NAV3: variants seen among roughly 807,000 people sequenced by gnomAD.
The protein encoded by NAV3 is pore membrane and/or filament interacting like protein 1.
NAV3 carries 87 observed loss-of-function variants against 244.7 expected under a neutral mutation model. The ratio of observed to expected loss-of-function variants is 0.36; its 90% CI spans 0.30 to 0.42. The LOEUF is 0.42. Ranked by LOEUF, NAV3 falls within the 20% of genes least tolerant of loss-of-function variation. The pLI is 1.00. For synonymous variants in NAV3, 1,126 were observed against 1,042.2 expected (o/e 1.08, Z -1.55); for missense variants, 2,663 against 2,893.3 (o/e 0.92, Z 1.83).
At chr12:78,013,241 G>A (rs568069687) in intron 8 of NAV3, among the ~76,000 whole-genome samples, 11 of 152,102 alleles carry the variant, frequency 7.2e-5, no homozygotes, top group Admixed American at 3.3e-4. Flanking sequence ...GTCCTATGTC[G>A]TTTTCTTTTC....
In NAV3 at chr12:78,081,017, T is replaced by C. The variant is rs148877658; in HGVS notation, c.2636+21902T>C. Among the ~76,000 whole-genome samples the C allele has an allele frequency of 3.1e-3, 472 of 152,310 alleles. 4 individuals carry two copies. The highest frequency in any genetic ancestry group is 0.011 in the African/African-American group (457 of 41,550). On this transcript the variant is annotated intron_variant, in intron 12 of 39. Coordinates refer to ENST00000397909, the MANE Select transcript of NAV3 (RefSeq NM_001024383.2). ...CGTATCCATTTGACAAGCTAGCAGG[T>C]ATGAACAGGAAAGGCATAAGACAGG...
intron 1 of NAV3, among the ~76,000 whole-genome samples, chr12:77,854,863 A>C (rs1004006876): frequency 2.0e-5 from 3 of 152,196 alleles, no homozygotes; most frequent in African/African-American, 7.2e-5. Context: ...CACGCCTGTA[A>C]TCCCAGCACT....
rs145776203 is a variant in NAV3, at chr12:77,790,001, A to T, written c.73-150318A>T. Among the ~76,000 whole-genome samples, 738 of 152,198 alleles carry T rather than the reference A, an allele frequency of 4.8e-3. 10 individuals are homozygous for T. The highest frequency in any genetic ancestry group is 0.016 in the African/African-American group (679 of 41,526). Reference sequence around the variant, plus strand: ...ATATATTTTCCTCATCTACCTAGTGACTACCTGGTGAGCACCCAGTAACCT... The same window carrying T: ...ATATATTTTCCTCATCTACCTAGTGTCTACCTGGTGAGCACCCAGTAACCT... On this transcript the variant is annotated intron_variant, in intron 2 of 8. Coordinates refer to the NAV3 transcript ENST00000550042.
intron 35 of NAV3, among the ~76,000 whole-genome samples, chr12:78,197,987 AT>A (rs1306024207): frequency 2.0e-5 from 3 of 151,870 alleles, no homozygotes; most frequent in African/African-American, 7.2e-5. Context: ...AATGAGTATG[AT>A]TTTTAACTAT....
rs1003289925 is a variant in NAV3, at chr12:77,692,855, A to G, written c.72+120589A>G. 9.2e-5 allele frequency among the ~76,000 whole-genome samples: 14 copies of G among 152,216 alleles called. 1 individual carries two copies. The highest frequency in any genetic ancestry group is 3.4e-4 in the African/African-American group (14 of 41,464). ...AAGAAGCCCAGAAATTATAACTACA[A>G]TAAAGCTGTGGAATAGAATAATATA... On this transcript the variant is annotated intron_variant, in intron 2 of 8. Transcript: ENST00000550042.
At chr12:77,845,650 A>ATTT (rs1876493295) in intron 1 of NAV3, among the ~76,000 whole-genome samples, 1 of 143,740 alleles carries the variant, frequency 7.0e-6, no homozygotes, top group African/African-American at 2.6e-5. Flanking sequence ...TTAGGCTAAT[A>ATTT]CTTTTTTTTT....
At chr12:77,817,417 T>C (rs181433755) in intron 2 of NAV3, among the ~76,000 whole-genome samples, 1 of 152,284 alleles carries the variant, frequency 6.6e-6, no homozygotes, top group Admixed American at 6.5e-5. Flanking sequence ...TCAAAAGAAA[T>C]AGCTGCTGAG....
At chr12:77,807,847 A>G (rs539164161) in intron 2 of NAV3, among the ~76,000 whole-genome samples, 2 of 152,066 alleles carry the variant, frequency 1.3e-5, no homozygotes, top group Non-Finnish European at 2.9e-5. Context: ...ACATAGTCCC[A>G]TATTTCTTGG....
intron 2 of NAV3, among the ~76,000 whole-genome samples, chr12:77,678,039 C>T (rs17794553): frequency 0.025 from 3,773 of 152,112 alleles, 62 homozygotes; most frequent in Middle Eastern, 0.082. Context: ...TCTGATGTTA[C>T]GCCTTGTTAG....
rs1204513600 is a variant in NAV3, at chr12:77,940,367, C to T, written c.292C>T (p.Arg98Trp). Residue 98 changes from arginine (R) to tryptophan (W), a missense_variant, in exon 2 of 40, where the codon CGG becomes TGG. Coordinates refer to ENST00000397909, the MANE Select transcript of NAV3 (RefSeq NM_001024383.2). ...NHYLAKSGHK[R>W]LIKDLQQDIA... ...CTACCTAGCAAAATCAGGCCACAAG[C>T]GGCTGATCAAGGACTTGCAACAAGA... The T allele has an allele frequency of 7.4e-6, 12 of 1,613,782 alleles. No individual in the cohort carries two copies. The highest frequency in any genetic ancestry group is 2.2e-5 in the East Asian group (1 of 44,882).
chr12:77,845,590 G>A (rs1876481918), intron 1 of NAV3, among the ~76,000 whole-genome samples: 2 of 151,250 alleles, frequency 1.3e-5, no homozygotes, highest in South Asian at 4.2e-4. Flanking sequence ...TTGGATATTA[G>A]TGATATCTTT....
At chr12:78,125,679 C>A (rs1037749750) in intron 16 of NAV3, among the ~76,000 whole-genome samples, 1 of 152,166 alleles carries the variant, frequency 6.6e-6, no homozygotes, top group Non-Finnish European at 1.5e-5. Context: ...CCCTATCTGG[C>A]CCTTGCTGGC....
chr12:78,136,532 A>G (rs1329093174), intron 18 of NAV3, among the ~76,000 whole-genome samples: 1 of 152,186 alleles, frequency 6.6e-6, no homozygotes, highest in African/African-American at 2.4e-5. Flanking sequence ...TCTCATCATG[A>G]TATGCTCATC....
At chr12:78,203,779 C>T (rs1263415967) in intron 38 of NAV3, among the ~76,000 whole-genome samples, 2 of 151,784 alleles carry the variant, frequency 1.3e-5, no homozygotes, top group African/African-American at 2.4e-5. Context: ...AAAAAGTGTC[C>T]CTATGTTACT....
intron 21 of NAV3, 27 bp downstream of exon 21, chr12:78,146,419 A>T: frequency 1.0e-6 from 1 of 1,002,770 alleles, no homozygotes; most frequent in Non-Finnish European, 1.4e-6. Flanking sequence ...CAATATTTTA[A>T]TATTTTCTAT....
chr12:78,188,684 G>A lies in NAV3; in HGVS notation c.5962G>A (p.Asp1988Asn), dbSNP rs376780536. 1.1e-5 allele frequency: 17 copies of A among 1,612,334 alleles called. No individual in the cohort carries two copies. The highest frequency in any genetic ancestry group is 1.4e-5 in the Non-Finnish European group (16 of 1,179,038). The change falls in exon 33 of 40, where the codon GAC becomes AAC. Residue 1988 changes from aspartate to asparagine, a missense_variant. By Grantham distance (23) the Asp-to-Asn change is conservative. This residue lies in a region of NAV3 where 543 missense variants were observed against 672.4 expected (regional missense o/e 0.81). Coordinates refer to ENST00000397909, the MANE Select transcript of NAV3 (RefSeq NM_001024383.2). ...CTGCATTGCTAGCTACTGTATAGGA[G>A]ACTTAATTAGATCCCATAACCTAGA... ...SDCIASYCIG[D>N]LIRSHNLEVP...
At chr12:77,709,205 A>G (rs1336693689) in intron 2 of NAV3, among the ~76,000 whole-genome samples, 2 of 152,240 alleles carry the variant, frequency 1.3e-5, no homozygotes, top group African/African-American at 4.8e-5. Flanking sequence ...CAAAAACCAC[A>G]TGATTATCTC....
chr12:77,752,862 G>T (rs1176057856), intron 2 of NAV3, among the ~76,000 whole-genome samples: 1 of 152,110 alleles, frequency 6.6e-6, no homozygotes, highest in Non-Finnish European at 1.5e-5. Context: ...GAATGCACAG[G>T]TTACATCCCT....
At chr12:78,142,201 G>A (rs889929643) in intron 20 of NAV3, among the ~76,000 whole-genome samples, 69 of 152,104 alleles carry the variant, frequency 4.5e-4, no homozygotes, top group African/African-American at 1.5e-3. Context: ...GCATATGTTT[G>A]TATAATACCA....
Sources: allele counts gnomAD v4.1 joint callset (sites outside exome capture counted in the v4.1 genomes callset), GRCh38; gene constraint gnomAD v4.1.1; regional missense constraint gnomAD v4.1.1; transcripts MANE v1.5; gene names NCBI Gene and HGNC (gene_info 2026-07-23, HGNC 2026-07-21).